The following PLB1 variants were observed in gnomAD, a reference collection of about 807,000 sequenced individuals.
The protein encoded by PLB1 is phospholipase B1, also known as phospholipase B1, membrane-associated.
In PLB1, 242 loss-of-function variants were observed where a neutral mutation model predicts 227.4. The observed-to-expected ratio is 1.06, with a 90% CI of 0.96 to 1.18. The LOEUF is 1.18. Among genes scored for constraint, PLB1 ranks in the 50% most tolerant of loss-of-function variants. The pLI, the probability that PLB1 is intolerant of heterozygous loss-of-function variation, is 0.00. For synonymous variants in PLB1, 757 were observed against 682.2 expected, an observed-to-expected ratio of 1.11 and a Z score of -1.71; for missense variants, 1,858 against 1,816.3, an observed-to-expected ratio of 1.02 and a Z score of -0.42.
intron 17 of PLB1, among the ~76,000 whole-genome samples, chr2:28,558,116 A>G (rs950932832): frequency 6.6e-6 from 1 of 151,010 alleles, no homozygotes. Flanking sequence ...ATACATATGT[A>G]TGTACACACA....
intron 38 of PLB1, 56 bp downstream of exon 38, chr2:28,602,020 T>A: frequency 7.5e-7 from 1 of 1,337,822 alleles, no homozygotes; most frequent in Non-Finnish European, 1.1e-6. Flanking sequence ...AGGGTGAAGG[T>A]GGATGGGGGG....
At chr2:28,501,664 A>G (rs964023379) in intron 1 of PLB1, among the ~76,000 whole-genome samples, 1 of 152,116 alleles carries the variant, frequency 6.6e-6, no homozygotes, top group African/African-American at 2.4e-5. Context: ...TATTAGTTTA[A>G]TATCCTTTTT....
Position 28,643,706 on chromosome 2 carries a change from G to C in PLB1, c.*645G>C, listed in dbSNP as rs1476819770. The C allele has an allele frequency of 6.6e-6, 1 of 152,228 alleles. No homozygotes were observed. Among genetic ancestry groups the C allele is most frequent in the Non-Finnish European group, 1.5e-5 (1 of 68,048 alleles). 9.4% of individuals were successfully genotyped at this position (152,228 alleles called of 1,614,324 possible). A position where few individuals can be genotyped will look rare whatever the true frequency, so the allele number is the denominator to read the frequency against. ...CTGATTGTTTTAAAGAATAGAAAGG[G>C]TTCTTCGGGGAAAGTTTCTTGGGGG... On this transcript the variant is annotated 3_prime_UTR_variant, in exon 58 of 58. Coordinates refer to ENST00000327757, the MANE Select transcript of PLB1 (RefSeq NM_153021.5).
rs1197292425 is a variant in PLB1, at chr2:28,552,984, C to T, written c.1140C>T (p.Pro380=). The T allele has an allele frequency of 7.4e-6, 12 of 1,613,388 alleles. No homozygotes were observed. Among genetic ancestry groups the T allele is most frequent in the Non-Finnish European group, 1.0e-5 (12 of 1,179,486 alleles). Residue 380 remains proline (P), a synonymous_variant, in exon 17 of 58, where the codon CCC becomes CCT. Coordinates refer to ENST00000327757, the MANE Select transcript of PLB1 (RefSeq NM_153021.5). The part of the protein sequence containing the change: ...CPDKDPSDTV[P]TSVHRLKPAD... ...ACAAAGACCCCTCCGATACGGTTCC[C>T]ACCTCAGGTACACAGCTTGCACCCA...
At chr2:28,566,932 C>A (rs535395794) in intron 20 of PLB1, 93 bp downstream of exon 20, 14 of 1,457,342 alleles carry the variant, frequency 9.6e-6, no homozygotes, top group Admixed American at 1.7e-5. Context: ...TCGGGAGGAG[C>A]CCCGGCTGCA....
chr2:28,508,385 C>T (rs1346353903), intron 1 of PLB1, among the ~76,000 whole-genome samples: 2 of 152,138 alleles, frequency 1.3e-5, no homozygotes, highest in African/African-American at 2.4e-5. Flanking sequence ...GGTGGCAGCA[C>T]GTGACTGGCC....
At chr2:28,531,994 A>C in intron 8 of PLB1, 114 bp from the exon 9 acceptor site, 2 of 775,848 alleles carry the variant, frequency 2.6e-6, no homozygotes, top group Non-Finnish European at 4.3e-6. Context: ...AAAAATTCAT[A>C]CATGAGTTTT....
chr2:28,584,773 T>C (rs1375520839), intron 25 of PLB1, among the ~76,000 whole-genome samples: 3 of 152,162 alleles, frequency 2.0e-5, no homozygotes, highest in East Asian at 1.9e-4. Flanking sequence ...CTCATCCCCC[T>C]GGACCAAAAG....
intron 1 of PLB1, among the ~76,000 whole-genome samples, chr2:28,502,330 G>A (rs1667194605): frequency 6.6e-6 from 1 of 151,984 alleles, no homozygotes; most frequent in African/African-American, 2.4e-5. Context: ...ATAGCCTTTG[G>A]GAATCATACA....
chr2:28,630,178 G>A (rs966404091), intron 53 of PLB1, among the ~76,000 whole-genome samples: 3 of 152,134 alleles, frequency 2.0e-5, no homozygotes, highest in South Asian at 2.1e-4. Context: ...CTTGAGGAGC[G>A]ATTCCAAACC....
intron 1 of PLB1, among the ~76,000 whole-genome samples, chr2:28,506,625 A>G (rs182824054): frequency 6.6e-6 from 1 of 152,368 alleles, no homozygotes; most frequent in African/African-American, 2.4e-5. Context: ...GCCTAAGGTC[A>G]TGCAGCAAGC....
At chr2:28,633,402 A>T (rs561818029) in intron 56 of PLB1, 3 of 243,924 alleles carry the variant, frequency 1.2e-5, no homozygotes, top group Non-Finnish European at 2.4e-5. Context: ...CTGTATCAAC[A>T]TCTATAAAAC....
intron 26 of PLB1, 152 bp downstream of exon 26, chr2:28,585,994 C>T: frequency 1.5e-6 from 1 of 663,958 alleles, no homozygotes; most frequent in Non-Finnish European, 2.7e-6. Flanking sequence ...TGAGACACAG[C>T]AGGGGCTGCT....
Position 28,545,691 on chromosome 2 carries a change from C to G in PLB1, c.936+2423C>G, listed in dbSNP as rs1572885054. On this transcript the variant is annotated intron_variant, in intron 14 of 57. Transcript: ENST00000327757. ...CTACCCTTGGTTTCGCTAATTGCAT[C>G]CTCCAGGTGCGGGGAGGGCGGGAGT... Among the ~76,000 whole-genome samples the G allele has an allele frequency of 2.0e-5, 3 of 152,328 alleles. No individual in the cohort carries two copies. In the South Asian group the frequency reaches 6.2e-4, roughly 32 times the overall value.
At chr2:28,550,185 T>C (rs1572912389) in intron 16 of PLB1, 101 bp downstream of exon 16, 2 of 902,216 alleles carry the variant, frequency 2.2e-6, no homozygotes, top group Non-Finnish European at 1.6e-6. Context: ...TTTTTTTTTT[T>C]CTTTTGAGAT....
chr2:28,567,921 AGGAATTTAACT>A (rs1368336354), intron 20 of PLB1, among the ~76,000 whole-genome samples: 1 of 152,144 alleles, frequency 6.6e-6, no homozygotes. Context: ...TTTGCCTGGG[AGGAATTTAACT>A]GGTCCCATTT....
rs1414273326 is a variant in PLB1, at chr2:28,614,181, A to G, written c.3195+85A>G. 11 of 1,285,646 alleles carry G rather than the reference A, an allele frequency of 8.6e-6. No homozygotes were observed. In the Middle Eastern group the frequency reaches 5.5e-4, roughly 65 times the overall value. 79.6% of individuals were successfully genotyped at this position (1,285,646 alleles called of 1,614,324 possible). On this transcript the variant is annotated intron_variant, in intron 44 of 57. Coordinates refer to ENST00000327757, the MANE Select transcript of PLB1 (RefSeq NM_153021.5). ...TCGGGTGTGGTACAGGTTTCAGAGT[A>G]TTCACTGAAGCAGAAATGTACTTCT...
At chr2:28,590,902 A>G (rs1364654289) in intron 29 of PLB1, among the ~76,000 whole-genome samples, 1 of 152,166 alleles carries the variant, frequency 6.6e-6, no homozygotes, top group Non-Finnish European at 1.5e-5. Flanking sequence ...GGTGGAAGGA[A>G]GACAGGCGCG....
chr2:28,626,714 G>A (rs1282686792), intron 51 of PLB1, among the ~76,000 whole-genome samples: 1 of 152,236 alleles, frequency 6.6e-6, no homozygotes, highest in Non-Finnish European at 1.5e-5. Context: ...AAGAGCAGGT[G>A]CATTGGTTCC....
Sources: allele counts gnomAD v4.1 joint callset (sites outside exome capture counted in the v4.1 genomes callset), GRCh38; gene constraint gnomAD v4.1.1; transcripts MANE v1.5; gene names NCBI Gene and HGNC (gene_info 2026-07-23, HGNC 2026-07-21).